Variants in DOCK1 observed in about 807,000 individuals in gnomAD.
DOCK1 encodes dedicator of cytokinesis protein 1.
In DOCK1, 138 loss-of-function variants were observed where a neutral mutation model predicts 262.7. The observed-to-expected ratio is 0.53, with a 90% confidence interval of 0.46 to 0.61. The LOEUF (loss-of-function observed/expected upper bound fraction) is 0.61, where lower values mean the gene tolerates loss of function less well. Ranked by LOEUF, DOCK1 falls within the 20% of genes least tolerant of loss-of-function variation. DOCK1 has a pLI of 0.00. For missense variants in DOCK1, 1,908 were observed against 2,370.7 expected (o/e 0.80, Z 4.05); for synonymous variants, 866 against 867.4 (o/e 1.00, Z 0.03).
At chr10:127,325,044 C>T (rs1278559967) in intron 29 of DOCK1, among the ~76,000 whole-genome samples, 1 of 152,148 alleles carries the variant, frequency 6.6e-6, no homozygotes, top group African/African-American at 2.4e-5. Context: ...CCGGGAGAGT[C>T]CCTGAAACAT....
chr10:127,288,013 A>ACTC (rs1457768255), intron 29 of DOCK1, among the ~76,000 whole-genome samples: 1 of 152,224 alleles, frequency 6.6e-6, no homozygotes, highest in Non-Finnish European at 1.5e-5. Context: ...GAGAGTGTTT[A>ACTC]TTAAAGGAAA....
chr10:127,417,053 C>T (rs1056561945), intron 44 of DOCK1, among the ~76,000 whole-genome samples: 12 of 152,170 alleles, frequency 7.9e-5, no homozygotes, highest in African/African-American at 2.2e-4. Flanking sequence ...CGGACAGAAT[C>T]GCCCATTCGC....
At chr10:127,443,368 C>T (rs2070318017) in intron 49 of DOCK1, among the ~76,000 whole-genome samples, 1 of 152,126 alleles carries the variant, frequency 6.6e-6, no homozygotes, top group African/African-American at 2.4e-5. Flanking sequence ...AGCATGGACT[C>T]TGGGAGAGGA....
chr10:127,079,048 A>G (rs1409881891), intron 23 of DOCK1, among the ~76,000 whole-genome samples: 1 of 152,196 alleles, frequency 6.6e-6, no homozygotes, highest in Non-Finnish European at 1.5e-5. Flanking sequence ...TTGATGGATA[A>G]ATTTATAGAT....
At chr10:127,049,958 A>G (rs60046145) in intron 21 of DOCK1, among the ~76,000 whole-genome samples, 6,183 of 148,154 alleles carry the variant, frequency 0.042, 447 homozygotes, top group African/African-American at 0.15. Context: ...CATAATGACA[A>G]AACTGGCCTC....
chr10:127,018,521 C>T (rs1006501913), intron 12 of DOCK1, 189 bp from the exon 13 acceptor site: 14 of 758,032 alleles, frequency 1.8e-5, no homozygotes, highest in South Asian at 1.3e-4. Context: ...CATCCCAGCT[C>T]GTTGGATGCA....
At chr10:127,030,915 AAG>A (rs2043195062) in intron 16 of DOCK1, among the ~76,000 whole-genome samples, 1 of 152,152 alleles carries the variant, frequency 6.6e-6, no homozygotes. Flanking sequence ...GGTGAGAGGA[AAG>A]AGGGTGATTG....
intron 29 of DOCK1, among the ~76,000 whole-genome samples, chr10:127,281,804 A>G (rs568535809): frequency 1.3e-5 from 2 of 152,166 alleles, no homozygotes; most frequent in South Asian, 4.1e-4. Context: ...ATCAATTCAG[A>G]TGAGTAGATG....
chr10:127,007,525 C>G (rs1355294389), intron 10 of DOCK1: 3 of 152,170 alleles, frequency 2.0e-5, no homozygotes, highest in Admixed American at 2.0e-4. Context: ...GTAGCAGACA[C>G]AGGGAAAGTG....
chr10:127,424,881 C>T (rs1020314368), intron 46 of DOCK1, among the ~76,000 whole-genome samples: 2 of 152,084 alleles, frequency 1.3e-5, no homozygotes, highest in Admixed American at 6.6e-5. Context: ...GGGCTATGAG[C>T]GAGGAGAGCG....
intron 27 of DOCK1, among the ~76,000 whole-genome samples, chr10:127,235,220 T>C (rs1383332282): frequency 4.6e-5 from 7 of 152,042 alleles, no homozygotes; most frequent in South Asian, 2.1e-4. Context: ...TTCTTCCTTC[T>C]AAATTTTGAC....
intron 1 of DOCK1, among the ~76,000 whole-genome samples, chr10:126,919,703 C>T (rs1296690159): frequency 1.3e-5 from 2 of 152,184 alleles, no homozygotes; most frequent in Non-Finnish European, 2.9e-5. Context: ...CCCGATCCCG[C>T]GTTGCTCTCT....
At chr10:126,981,787 A>T in intron 3 of DOCK1, 131 bp from the exon 4 acceptor site, 1 of 797,880 alleles carries the variant, frequency 1.3e-6, no homozygotes, top group East Asian at 2.7e-5. Flanking sequence ...GTTTTCTTTG[A>T]TATGTTAAGA....
chr10:127,303,339 T>A (rs1259312872), intron 29 of DOCK1, among the ~76,000 whole-genome samples: 1 of 152,102 alleles, frequency 6.6e-6, no homozygotes, highest in East Asian at 1.9e-4. Flanking sequence ...TTTGATCTCA[T>A]GTCAAGGGTG....
chr10:127,175,642 C>T lies in DOCK1; in HGVS notation c.2847+47878C>T. On this transcript the variant is annotated intron_variant, in intron 27 of 51. Transcript: ENST00000623213. This position sits in a 1 kb window ranked among gnomAD's most constrained non-coding sequence, Gnocchi z 6.3. Reference sequence around the variant, plus strand: ...GCAGGTGCGTAAACGGTGGCAACCTCCGTTTTAAACACCCTCCTGAGGGCA... The same window carrying T: ...GCAGGTGCGTAAACGGTGGCAACCTTCGTTTTAAACACCCTCCTGAGGGCA... 1.2e-6 allele frequency: 2 copies of T among 1,613,314 alleles called. No homozygotes were observed. The highest frequency in any genetic ancestry group is 1.7e-6 in the Non-Finnish European group (2 of 1,179,926).
intron 18 of DOCK1, among the ~76,000 whole-genome samples, chr10:127,036,793 G>A (rs1254925623): frequency 6.6e-6 from 1 of 151,890 alleles, no homozygotes; most frequent in Middle Eastern, 3.4e-3. Flanking sequence ...GGCCAACATG[G>A]TGAAATCCTG....
rs748578720 is a variant in DOCK1 at position 127,447,678 on chromosome 10, G to A, written c.5565+133G>A. On this transcript the variant is annotated intron_variant, in intron 51 of 51. Coordinates refer to ENST00000623213, the MANE Select transcript of DOCK1 (RefSeq NM_001290223.2). Reference sequence around the variant, plus strand: ...GAGGAAAACCATGTATGATGGGCCCGGGTTTGATTTTGCAAAAAGATATCG... The same window carrying A: ...GAGGAAAACCATGTATGATGGGCCCAGGTTTGATTTTGCAAAAAGATATCG... 212 of 1,399,216 alleles carry A rather than the reference G, an allele frequency of 1.5e-4. No individual in the cohort carries two copies. Among genetic ancestry groups the A allele is most frequent in the Admixed American group, 4.2e-4 (15 of 36,090 alleles). The allele number at this position is 1,399,216 out of a possible 1,614,324, so 86.7% of individuals were successfully genotyped here.
intron 35 of DOCK1, among the ~76,000 whole-genome samples, chr10:127,377,524 G>A (rs118021097): frequency 9.2e-5 from 14 of 152,268 alleles, no homozygotes; most frequent in East Asian, 5.8e-4. Context: ...AACCAGCTTC[G>A]TGGTTTCTTA....
intron 23 of DOCK1, among the ~76,000 whole-genome samples, chr10:127,075,352 G>T (rs2046464096): frequency 6.6e-6 from 1 of 151,978 alleles, no homozygotes; most frequent in South Asian, 2.1e-4. Flanking sequence ...GCTCACTGTA[G>T]CCTTGACCTC....
Sources: allele counts gnomAD v4.1 joint callset (sites outside exome capture counted in the v4.1 genomes callset), GRCh38; gene constraint gnomAD v4.1.1; non-coding constraint Gnocchi (gnomAD v3.1); transcripts MANE v1.5; gene names NCBI Gene and HGNC (gene_info 2026-07-23, HGNC 2026-07-21).